DOCK10: variants seen among roughly 807,000 people sequenced by gnomAD.
DOCK10 encodes the protein dedicator of cytokinesis 10.
In DOCK10, 145 loss-of-function variants were observed where a neutral mutation model predicts 280.1. The observed-to-expected ratio is 0.52, with a 90% CI of 0.45 to 0.59. The LOEUF (loss-of-function observed/expected upper bound fraction) is 0.59, where lower values mean the gene tolerates loss of function less well. Among genes scored for constraint, DOCK10 ranks in the 20% least tolerant of loss-of-function variants. The probability of loss-of-function intolerance (pLI) is 0.00; values close to 1 mark genes in which losing one functional copy is unlikely to be tolerated. For synonymous variants in DOCK10, 915 were observed against 942.2 expected (o/e 0.97, Z 0.53); for missense variants, 2,368 against 2,651.7 (o/e 0.89, Z 2.35).
chr2:225,006,478 C>T (rs2126291780), intron 1 of DOCK10, among the ~76,000 whole-genome samples: 1 of 152,296 alleles, frequency 6.6e-6, no homozygotes, highest in Admixed American at 6.5e-5. Flanking sequence ...TTAGCCCCTG[C>T]CACTTTTTGC....
intron 1 of DOCK10, among the ~76,000 whole-genome samples, chr2:224,979,904 A>G (rs1246965999): frequency 6.6e-6 from 1 of 152,122 alleles, no homozygotes; most frequent in Admixed American, 6.6e-5. Context: ...CACACAGCTG[A>G]TAAGTGATGA....
chr2:224,816,794 A>C, intron 29 of DOCK10, 81 bp from the exon 30 acceptor site: 1 of 757,756 alleles, frequency 1.3e-6, no homozygotes, highest in Non-Finnish European at 2.2e-6. Flanking sequence ...TCTGCACTTG[A>C]ATCTTATCCC....
intron 7 of DOCK10, among the ~76,000 whole-genome samples, chr2:224,884,341 G>A (rs905647167): frequency 1.3e-5 from 2 of 152,130 alleles, no homozygotes; most frequent in Non-Finnish European, 2.9e-5. Context: ...ATTTCAGCTC[G>A]TAACAAGCTA....
Position 224,765,704 on chromosome 2 carries a change from C to T in DOCK10, c.*17G>A. The T allele has an allele frequency of 6.4e-7, 1 of 1,558,520 alleles. No individual in the cohort carries two copies. The highest frequency in any genetic ancestry group is 8.8e-7 in the Non-Finnish European group (1 of 1,132,644). On this transcript the variant is annotated 3_prime_UTR_variant, in exon 56 of 56. Transcript: ENST00000258390. The stretch of plus-strand genomic sequence containing the variant: ...TCAGAAAGTTCTCTTAGAGGTGGGT[C>T]TGATGCTGCAGAGCCCTCAGACTTC...
intron 16 of DOCK10, among the ~76,000 whole-genome samples, chr2:224,854,505 A>G (rs1004427150): frequency 6.6e-6 from 1 of 152,234 alleles, no homozygotes; most frequent in Non-Finnish European, 1.5e-5. Context: ...CTGGCAGCAC[A>G]ATATGGCAGA....
chr2:224,983,101 AATATCTCT>A (rs1213648177), intron 1 of DOCK10, among the ~76,000 whole-genome samples: 2 of 152,178 alleles, frequency 1.3e-5, no homozygotes, highest in African/African-American at 4.8e-5. Flanking sequence ...CAGGGCTGAA[AATATCTCT>A]ATTACTGAGG....
chr2:224,884,612 CT>C (rs926907631), intron 7 of DOCK10, among the ~76,000 whole-genome samples: 1 of 152,122 alleles, frequency 6.6e-6, no homozygotes, highest in Non-Finnish European at 1.5e-5. Flanking sequence ...GTGGCCCGTG[CT>C]GAATTTCATA....
At chr2:224,769,015 G>C (rs1690241076) in intron 55 of DOCK10, 1 of 438,096 alleles carries the variant, frequency 2.3e-6, no homozygotes, top group Admixed American at 2.6e-5. Context: ...TACAGTTGGA[G>C]ACAAGCATTC....
At chr2:224,927,510 G>A (rs1449227381) in intron 2 of DOCK10, among the ~76,000 whole-genome samples, 1 of 152,184 alleles carries the variant, frequency 6.6e-6, no homozygotes, top group Non-Finnish European at 1.5e-5. Flanking sequence ...GGTATTTGTG[G>A]CTTGGGACAG....
chr2:224,971,873 T>C (rs1486468454), intron 1 of DOCK10, among the ~76,000 whole-genome samples: 1 of 152,192 alleles, frequency 6.6e-6, no homozygotes, highest in Non-Finnish European at 1.5e-5. Flanking sequence ...AAAAAAACTA[T>C]GAAGTATTGT....
intron 47 of DOCK10, among the ~76,000 whole-genome samples, chr2:224,791,806 G>A (rs1692215069): frequency 6.6e-6 from 1 of 152,060 alleles, no homozygotes; most frequent in Non-Finnish European, 1.5e-5. Context: ...AATCCAGTGA[G>A]ACCTTTTAGA....
intron 4 of DOCK10, among the ~76,000 whole-genome samples, chr2:224,887,529 C>T (rs747300921): frequency 2.0e-5 from 3 of 152,176 alleles, no homozygotes; most frequent in Non-Finnish European, 2.9e-5. Flanking sequence ...GATTCTATCT[C>T]ATAACTAATG....
chr2:224,845,481 G>A (rs1250305013), intron 20 of DOCK10, 38 bp downstream of exon 20: 3 of 1,594,076 alleles, frequency 1.9e-6, no homozygotes, highest in South Asian at 2.3e-5. Context: ...TCAAACAGAA[G>A]ACATGTGACT....
chr2:224,829,855 C>G (rs1380032991), intron 27 of DOCK10, among the ~76,000 whole-genome samples: 1 of 152,118 alleles, frequency 6.6e-6, no homozygotes, highest in African/African-American at 2.4e-5. Flanking sequence ...TAATTAATTC[C>G]ATCAGGGTCC....
At chr2:224,838,502 A>G (rs1016120036) in intron 24 of DOCK10, among the ~76,000 whole-genome samples, 3 of 152,174 alleles carry the variant, frequency 2.0e-5, no homozygotes, top group African/African-American at 7.2e-5. Context: ...AGACACATTC[A>G]CATGCTGAAA....
intron 1 of DOCK10, among the ~76,000 whole-genome samples, chr2:224,985,772 T>G (rs532518106): frequency 1.4e-4 from 22 of 152,334 alleles, no homozygotes; most frequent in Non-Finnish European, 2.6e-4. Flanking sequence ...AAATCTTGAC[T>G]AATGAATTTA....
chr2:224,945,974 T>C lies in DOCK10; in HGVS notation c.124-14306A>G, dbSNP rs142629311. 1.2e-4 allele frequency among the ~76,000 whole-genome samples: 19 copies of C among 152,206 alleles called. No individual in the cohort carries two copies. In the East Asian group the frequency reaches 2.9e-3, roughly 23 times the overall value. On this transcript the variant is annotated intron_variant, in intron 1 of 55. Coordinates refer to ENST00000258390, the MANE Select transcript of DOCK10 (RefSeq NM_014689.3). ...ACCCCAAATGACAATAGCGCTGAGG[T>C]TGAGAAACCCTGCTCCGAAAAAGGC... is the stretch of plus-strand genomic sequence containing the variant.
chr2:224,932,831 T>C (rs1338024317), intron 1 of DOCK10, among the ~76,000 whole-genome samples: 1 of 152,194 alleles, frequency 6.6e-6, no homozygotes, highest in African/African-American at 2.4e-5. Flanking sequence ...CCTAGGAACT[T>C]TCATTGACAT....
intron 53 of DOCK10, among the ~76,000 whole-genome samples, chr2:224,772,081 C>T (rs555030573): frequency 3.3e-5 from 5 of 152,062 alleles, no homozygotes; most frequent in African/African-American, 7.2e-5. Context: ...CCACCATGCC[C>T]GGCTAATTTT....
Sources: allele counts gnomAD v4.1 joint callset (sites outside exome capture counted in the v4.1 genomes callset), GRCh38; gene constraint gnomAD v4.1.1; transcripts MANE v1.5; gene names NCBI Gene and HGNC (gene_info 2026-07-23, HGNC 2026-07-21).